The following DAPK1 variants were observed in gnomAD, a reference collection of about 807,000 sequenced individuals.
The protein encoded by DAPK1 is death associated protein kinase 1, also known as death-associated protein kinase 1.
Under a neutral mutation model 144.9 loss-of-function variants are expected in DAPK1, and 56 were observed. That is an observed-to-expected ratio of 0.39 (90% CI 0.31 to 0.48). DAPK1 has a LOEUF of 0.48. Ranked by LOEUF, DAPK1 falls within the 20% of genes least tolerant of loss-of-function variation. DAPK1 has a pLI of 0.95. For missense variants in DAPK1, 1,454 were observed against 1,875.4 expected, an observed-to-expected ratio of 0.78 and a Z score of 4.15; for synonymous variants, 690 against 749.0, an observed-to-expected ratio of 0.92 and a Z score of 1.29.
chr9:87,504,317 A>C (rs1366050778), intron 2 of DAPK1, among the ~76,000 whole-genome samples: 1 of 152,222 alleles, frequency 6.6e-6, no homozygotes, highest in African/African-American at 2.4e-5. Context: ...GGAAGGTCTA[A>C]TAATAATTTT....
Position 87,511,414 on chromosome 9 carries a change from A to G in DAPK1, c.62+12275A>G, listed in dbSNP as rs369921695. Among the ~76,000 whole-genome samples, 78 of 152,208 alleles carry G rather than the reference A, an allele frequency of 5.1e-4. 2 individuals carry two copies. The South Asian group carries it at 0.015, about 30-fold the overall frequency. On this transcript the variant is annotated intron_variant, in intron 2 of 25. Transcript: ENST00000408954. Reference sequence around the variant, plus strand: ...CCCTTTTCAAAGTCCACAAGACACCATGGGAAAGGGAGGGAAAAGCTTCAT... The same window carrying G: ...CCCTTTTCAAAGTCCACAAGACACCGTGGGAAAGGGAGGGAAAAGCTTCAT...
chr9:87,699,032 G>A (rs1825371220), intron 23 of DAPK1, among the ~76,000 whole-genome samples: 1 of 152,158 alleles, frequency 6.6e-6, no homozygotes, highest in Non-Finnish European at 1.5e-5. Flanking sequence ...CATATACATA[G>A]CAGTTGAACA....
intron 3 of DAPK1, chr9:87,632,158 A>G (rs912607385): frequency 1.2e-6 from 1 of 805,764 alleles, no homozygotes; most frequent in Non-Finnish European, 1.5e-6. Flanking sequence ...GTATGTATGT[A>G]TGTAGAGATG....
intron 3 of DAPK1, among the ~76,000 whole-genome samples, chr9:87,614,450 A>G (rs1208464719): frequency 6.6e-6 from 1 of 152,204 alleles, no homozygotes; most frequent in East Asian, 1.9e-4. Context: ...GCTTAGTCAC[A>G]GCTCCAGGCA....
chr9:87,687,943 CTTCTT>C (rs1483104238), intron 21 of DAPK1, among the ~76,000 whole-genome samples: 2 of 152,090 alleles, frequency 1.3e-5, no homozygotes, highest in East Asian at 1.9e-4. Context: ...ATTTGTATGT[CTTCTT>C]TTAAGAAATT....
At chr9:87,546,936 C>A (rs1328679404) in intron 2 of DAPK1, among the ~76,000 whole-genome samples, 2 of 152,014 alleles carry the variant, frequency 1.3e-5, no homozygotes, top group Non-Finnish European at 2.9e-5. Context: ...GTGGGTGGAT[C>A]TCTTGAGTTC....
intron 2 of DAPK1, among the ~76,000 whole-genome samples, chr9:87,577,765 C>T (rs1287511117): frequency 6.6e-6 from 1 of 151,964 alleles, no homozygotes; most frequent in African/African-American, 2.4e-5. Context: ...GCCACTGCAC[C>T]CCAGTGTGGT....
At chr9:87,644,459 C>T (rs768051802) in intron 11 of DAPK1, among the ~76,000 whole-genome samples, 3 of 152,052 alleles carry the variant, frequency 2.0e-5, no homozygotes, top group Admixed American at 6.5e-5. Context: ...AAACACCAAG[C>T]TCCCCTTTTT....
At chr9:87,653,341 A>C (rs1460343345) in intron 17 of DAPK1, among the ~76,000 whole-genome samples, 4 of 152,270 alleles carry the variant, frequency 2.6e-5, no homozygotes, top group African/African-American at 9.6e-5. Context: ...TTGTTGTTGA[A>C]AGTGAATATT....
intron 2 of DAPK1, among the ~76,000 whole-genome samples, chr9:87,519,210 G>A (rs1172956759): frequency 6.6e-6 from 1 of 152,208 alleles, no homozygotes; most frequent in East Asian, 1.9e-4. Flanking sequence ...GCCCTGGAGA[G>A]CAGGCAGCAA....
chr9:87,522,378 CAT>C (rs773833602), intron 2 of DAPK1, among the ~76,000 whole-genome samples: 42 of 152,216 alleles, frequency 2.8e-4, no homozygotes, highest in Middle Eastern at 3.4e-3. Flanking sequence ...AGACAATAAA[CAT>C]AAATTTTTTC....
At chr9:87,525,367 C>G (rs878877121) in intron 2 of DAPK1, 2 of 1,610,594 alleles carry the variant, frequency 1.2e-6, no homozygotes, top group Non-Finnish European at 1.7e-6. Flanking sequence ...GCTCTTGTTG[C>G]GTGTGTTCAA....
chr9:87,571,474 C>CA (rs1564000840), intron 2 of DAPK1, among the ~76,000 whole-genome samples: 2,162 of 48,536 alleles, frequency 0.045, 203 homozygotes, highest in East Asian at 0.089. Context: ...CACACACACA[C>CA]CAACACACAC....
chr9:87,670,276 G>A (rs13288535), intron 19 of DAPK1, among the ~76,000 whole-genome samples: 12,474 of 151,986 alleles, frequency 0.082, 711 homozygotes, highest in Non-Finnish European at 0.13. Flanking sequence ...TGTCTTTCAA[G>A]CAGAGGACCA....
Position 87,572,740 on chromosome 9 carries a change from G to A in DAPK1, c.63-32214G>A, listed in dbSNP as rs527971536. On this transcript the variant is annotated intron_variant, in intron 2 of 25. Transcript: ENST00000408954. ...GCAGATGCCAGTGCCATGCTTATAC[G>A]GCCTGCAGAATCGTGAGCCAATTAA... Among the ~76,000 whole-genome samples, 3 of 152,128 alleles carry A rather than the reference G, an allele frequency of 2.0e-5. No individual in the cohort carries two copies. The South Asian group carries it at 6.3e-4, about 32-fold the overall frequency.
chr9:87,517,262 G>T (rs575993583), intron 2 of DAPK1, among the ~76,000 whole-genome samples: 1 of 152,018 alleles, frequency 6.6e-6, no homozygotes, highest in African/African-American at 2.4e-5. Context: ...GGGTGCAGGT[G>T]GTCAGTATCT....
At position 87,696,995 on chromosome 9, in the gene DAPK1, C is replaced by CT; in HGVS notation, c.2414-7dup. ...GTGTTTCACGATTGTTATCATTTTTCTTTTTCTGTAGGAGTTGGCGATTTC... is the reference window on the plus strand; with the variant it reads ...GTGTTTCACGATTGTTATCATTTTTCTTTTTTCTGTAGGAGTTGGCGATTTC... On this transcript the variant is annotated splice_polypyrimidine_tract_variant and intron_variant, in intron 21 of 25. Coordinates refer to ENST00000408954, the MANE Select transcript of DAPK1 (RefSeq NM_004938.4). 7.1e-7 allele frequency: 1 copy of CT among 1,407,096 alleles called. No homozygotes were observed. Among genetic ancestry groups the CT allele is most frequent in the Non-Finnish European group, 1.0e-6 (1 of 991,126 alleles). The allele number at this position is 1,407,096 out of a possible 1,614,324, so 87.2% of individuals were successfully genotyped here. A position where few individuals can be genotyped will look rare whatever the true frequency, so the allele number is the denominator to read the frequency against.
At chr9:87,639,722 G>C in intron 6 of DAPK1, 24 bp downstream of exon 6, 1 of 1,613,674 alleles carries the variant, frequency 6.2e-7, no homozygotes. Flanking sequence ...CCTTGGTGTT[G>C]TTTGCTTTCT....
intron 2 of DAPK1, among the ~76,000 whole-genome samples, chr9:87,592,941 C>G (rs1033100477): frequency 3.9e-5 from 6 of 152,160 alleles, no homozygotes; most frequent in Non-Finnish European, 8.8e-5. Flanking sequence ...GGTGAGTCCC[C>G]ACTTGGTTCA....
Sources: allele counts gnomAD v4.1 joint callset (sites outside exome capture counted in the v4.1 genomes callset), GRCh38; gene constraint gnomAD v4.1.1; transcripts MANE v1.5; gene names NCBI Gene and HGNC (gene_info 2026-07-23, HGNC 2026-07-21).